Variants in GUCY1A2 observed in about 807,000 individuals in gnomAD.
GUCY1A2 encodes guanylate cyclase soluble subunit alpha-2.
GUCY1A2 carries 27 observed loss-of-function variants against 63.5 expected under a neutral mutation model. The ratio of observed to expected loss-of-function variants is 0.43; its 90% confidence interval spans 0.31 to 0.59. GUCY1A2 has a LOEUF of 0.59. GUCY1A2 is among the 20% of genes least tolerant of loss of function. GUCY1A2 has a pLI of 0.11. For missense variants in GUCY1A2, 768 were observed against 913.3 expected (o/e 0.84, Z 2.05); for synonymous variants, 364 against 343.5 (o/e 1.06, Z -0.66).
At position 106,778,564 on chromosome 11, in the gene GUCY1A2, G is replaced by A. The variant is rs147015081; in HGVS notation, c.1693-1982C>T. Among the ~76,000 whole-genome samples the A allele has an allele frequency of 3.1e-3, 471 of 152,226 alleles. 1 individual carries two copies. Among genetic ancestry groups the A allele is most frequent in the Non-Finnish European group, 5.3e-3 (361 of 68,010 alleles). On this transcript the variant is annotated intron_variant, in intron 5 of 7. Transcript: ENST00000526355. ...TAGTCCCAGCTACTCGGGAGACTGA[G>A]GTAGGAGAATGGTGTGAACCTGGGA...
In GUCY1A2 at chr11:106,972,925, C is replaced by T. The variant is rs545662003; in HGVS notation, c.487+5694G>A. Among the ~76,000 whole-genome samples the T allele has an allele frequency of 4.6e-5, 7 of 152,184 alleles. No individual in the cohort carries two copies. The East Asian group carries it at 1.2e-3, about 25-fold the overall frequency. On this transcript the variant is annotated intron_variant, in intron 3 of 7. Transcript: ENST00000526355. ...AGCGAAAAGGCTACATACTCAATAT[C>T]CTTGTAACTTATAAAACTGACTTGT...
chr11:106,955,284 T>C (rs1417425276), intron 3 of GUCY1A2, among the ~76,000 whole-genome samples: 5 of 152,240 alleles, frequency 3.3e-5, no homozygotes, highest in African/African-American at 7.2e-5. Context: ...GTCTGTCTTT[T>C]AAGTGGGGCA....
chr11:106,859,725 T>C (rs1311359137), intron 4 of GUCY1A2, among the ~76,000 whole-genome samples: 2 of 151,960 alleles, frequency 1.3e-5, no homozygotes, highest in Non-Finnish European at 2.9e-5. Flanking sequence ...GATAATACCA[T>C]ATTTTTACTG....
chr11:106,769,603 T>C (rs893066527), intron 6 of GUCY1A2, among the ~76,000 whole-genome samples: 2 of 152,176 alleles, frequency 1.3e-5, no homozygotes, highest in Non-Finnish European at 2.9e-5. Context: ...TTCAAAATGA[T>C]AAATCTATCG....
chr11:106,763,632 C>CTGAA (rs1864107899), intron 6 of GUCY1A2, among the ~76,000 whole-genome samples: 1 of 152,014 alleles, frequency 6.6e-6, no homozygotes, highest in African/African-American at 2.4e-5. Context: ...GAATTTTTGA[C>CTGAA]TGAATGGATT....
At chr11:106,829,738 C>A (rs1447118179) in intron 4 of GUCY1A2, among the ~76,000 whole-genome samples, 1 of 152,092 alleles carries the variant, frequency 6.6e-6, no homozygotes, top group African/African-American at 2.4e-5. Context: ...TGAAATCAGT[C>A]CACTACTTCA....
chr11:106,989,406 C>A (rs1410649909), intron 1 of GUCY1A2, among the ~76,000 whole-genome samples: 2 of 151,014 alleles, frequency 1.3e-5, no homozygotes. Flanking sequence ...ACTTTAAGTT[C>A]TGGGATACAA....
intron 4 of GUCY1A2, among the ~76,000 whole-genome samples, chr11:106,831,709 G>A (rs1859053450): frequency 6.6e-6 from 1 of 152,198 alleles, no homozygotes; most frequent in Non-Finnish European, 1.5e-5. Context: ...TCGCAGCAGG[G>A]CTGCTCAGTA....
chr11:106,877,045 A>C (rs894114836), intron 4 of GUCY1A2, among the ~76,000 whole-genome samples: 1 of 152,102 alleles, frequency 6.6e-6, no homozygotes, highest in African/African-American at 2.4e-5. Flanking sequence ...TGCACTTTGA[A>C]GATGCAGTAA....
intron 4 of GUCY1A2, among the ~76,000 whole-genome samples, chr11:106,840,345 T>A (rs1017909800): frequency 6.6e-6 from 1 of 151,958 alleles, no homozygotes; most frequent in African/African-American, 2.4e-5. Context: ...GACAGTGATC[T>A]TATGATGGGT....
intron 6 of GUCY1A2, among the ~76,000 whole-genome samples, chr11:106,709,188 AAC>A (rs1448191268): frequency 3.2e-5 from 4 of 124,708 alleles, no homozygotes; most frequent in Non-Finnish European, 4.9e-5. Flanking sequence ...TATTATATAT[AAC>A]TATATATAAT....
At chr11:107,012,071 T>C (rs1861753861) in intron 1 of GUCY1A2, among the ~76,000 whole-genome samples, 1 of 152,178 alleles carries the variant, frequency 6.6e-6, no homozygotes, top group Non-Finnish European at 1.5e-5. Context: ...TGTATTTTTA[T>C]AGAATTTATA....
intron 4 of GUCY1A2, among the ~76,000 whole-genome samples, chr11:106,836,354 A>T (rs1232030041): frequency 6.6e-6 from 1 of 152,032 alleles, no homozygotes; most frequent in African/African-American, 2.4e-5. Context: ...AATGTTATTA[A>T]GAAAATCAAA....
rs1860398057 is a variant in GUCY1A2 at position 106,918,479 on chromosome 11, G to T, written c.1206+20981C>A. On this transcript the variant is annotated intron_variant, in intron 4 of 7. Coordinates refer to ENST00000526355, the MANE Select transcript of GUCY1A2 (RefSeq NM_000855.3). ...TAAGGAGACAACAGAACTCAAATTT[G>T]TTTGCATATTCTTCCTCGCCATGGA... 2.1e-5 allele frequency among the ~76,000 whole-genome samples: 3 copies of T among 145,162 alleles called. 1 individual carries two copies. Among genetic ancestry groups the T allele is most frequent in the Non-Finnish European group, 4.6e-5 (3 of 64,734 alleles).
intron 4 of GUCY1A2, among the ~76,000 whole-genome samples, chr11:106,936,122 T>A (rs182290276): frequency 6.6e-6 from 1 of 152,272 alleles, no homozygotes; most frequent in Admixed American, 6.5e-5. Context: ...TTACTCTCAT[T>A]TCTAACAAAG....
chr11:106,983,178 A>C (rs550003056), intron 2 of GUCY1A2, among the ~76,000 whole-genome samples: 1 of 152,350 alleles, frequency 6.6e-6, no homozygotes, highest in African/African-American at 2.4e-5. Context: ...AAACCAGAAA[A>C]TTAGACCAGA....
chr11:106,707,365 A>G (rs1191726304), intron 7 of GUCY1A2, among the ~76,000 whole-genome samples: 1 of 151,954 alleles, frequency 6.6e-6, no homozygotes, highest in African/African-American at 2.4e-5. Context: ...GTCAACTTTT[A>G]TCTTTATATT....
At chr11:106,936,784 A>G in intron 4 of GUCY1A2, 1 of 760,638 alleles carries the variant, frequency 1.3e-6, no homozygotes. Flanking sequence ...CAGTTAAATT[A>G]TGAGAGCCCT....
chr11:106,789,048 C>T (rs548460237), intron 5 of GUCY1A2, among the ~76,000 whole-genome samples: 1 of 152,114 alleles, frequency 6.6e-6, no homozygotes, highest in African/African-American at 2.4e-5. Context: ...AATATATTTC[C>T]ATTTTTGGTG....
Sources: gnomAD v4.1 joint callset for allele counts (sites outside exome capture counted in the v4.1 genomes callset) on GRCh38, gnomAD v4.1.1 for gene constraint, MANE v1.5 for transcripts, NCBI Gene and HGNC (gene_info 2026-07-23, HGNC 2026-07-21) for gene names.